Variants in VPS11 observed in about 807,000 individuals in gnomAD.
VPS11 encodes VPS11 core subunit of CORVET and HOPS complexes.
VPS11 carries 51 observed loss-of-function variants against 106.8 expected under a neutral mutation model. The ratio of observed to expected loss-of-function variants is 0.48; its 90% CI spans 0.38 to 0.60. VPS11 has a LOEUF of 0.60. Among genes scored for constraint, VPS11 ranks in the 20% least tolerant of loss-of-function variants. VPS11 has a pLI of 0.00. For synonymous variants in VPS11, 453 were observed against 458.7 expected, an observed-to-expected ratio of 0.99 and a Z score of 0.16; for missense variants, 950 against 1,190.0, an observed-to-expected ratio of 0.80 and a Z score of 2.97.
Position 119,081,150 on chromosome 11 carries a change from T to G in VPS11, c.2497T>G (p.Ser833Ala). 1 of 1,614,056 alleles carries G rather than the reference T, an allele frequency of 6.2e-7. No individual in the cohort carries two copies. The highest frequency in any genetic ancestry group is 8.5e-7 in the Non-Finnish European group (1 of 1,179,894). ...CTGTAACAGTGCCTTGGAGTTGCCC[T>G]CAGTCCACTTCCTGTGTGGCCACTC... is the stretch of plus-strand genomic sequence containing the variant. ...SICNSALELP[S>A]VHFLCGHSFH... Residue 833 changes from serine to alanine, a missense_variant, in exon 15 of 16, where the codon TCA becomes GCA. Ser to Ala is a moderately conservative substitution (Grantham distance 99). Around this residue, in one of 3 missense-constraint regions of VPS11, gnomAD observed 453 missense variants for 514.6 expected, o/e 0.88. Coordinates refer to ENST00000621676, the MANE Select transcript of VPS11 (RefSeq NM_021729.6).
chr11:119,078,523 T>C, intron 11 of VPS11, 42 bp from the exon 12 acceptor site: 1 of 1,597,406 alleles, frequency 6.3e-7, no homozygotes, highest in Non-Finnish European at 8.6e-7. Flanking sequence ...ACCTTGTGAT[T>C]TTCCCCTTTT....
chr11:119,081,310 A>T lies in VPS11; in HGVS notation c.2657A>T (p.His886Leu). The T allele has an allele frequency of 6.2e-7, 1 of 1,614,020 alleles. No homozygotes were observed. Among genetic ancestry groups the T allele is most frequent in the Non-Finnish European group, 8.5e-7 (1 of 1,179,882 alleles). ...QKRDLHDQFQ[H>L]QLKCSNDSFS... ...CGAGATCTCCATGATCAATTCCAGC[A>T]TCAGGTGGGGATGAGTGGGCTAGAT... The change falls in exon 15 of 16, where the codon CAT becomes CTT. Residue 886 changes from histidine (H) to leucine (L), a missense_variant. Physicochemically the swap from His to Leu is moderately conservative, Grantham distance 99 (BLOSUM62 -3). Coordinates refer to ENST00000621676, the MANE Select transcript of VPS11 (RefSeq NM_021729.6).
At position 119,077,483 on chromosome 11, in the gene VPS11, C is replaced by T; in HGVS notation, c.1426-18C>T. 1.2e-6 allele frequency: 2 copies of T among 1,611,152 alleles called. No individual in the cohort carries two copies. The highest frequency in any genetic ancestry group is 2.2e-5 in the East Asian group (1 of 44,838). Reference sequence around the variant, plus strand: ...TCTCCCTCTGTGTAAATGATTTTGTCTCATGTCTCCCTGGCAGAAAAAGAG... The same window carrying T: ...TCTCCCTCTGTGTAAATGATTTTGTTTCATGTCTCCCTGGCAGAAAAAGAG... On this transcript the variant is annotated intron_variant, in intron 8 of 15. Coordinates refer to ENST00000621676, the MANE Select transcript of VPS11 (RefSeq NM_021729.6).
Position 119,077,958 on chromosome 11 carries a change from C to T in VPS11, c.1653C>T (p.Ile551=), listed in dbSNP as rs782817112. Residue 551 remains isoleucine (I), a synonymous_variant, in exon 10 of 16, where the codon ATC becomes ATT. Coordinates refer to ENST00000621676, the MANE Select transcript of VPS11 (RefSeq NM_021729.6). The stretch of plus-strand genomic sequence containing the variant: ...GCAACATGAAGCGCTACGGCAAGAT[C>T]CTCATGCACCACATACCAGAGCAGA... ...AESNMKRYGK[I]LMHHIPEQTT... is the part of the protein sequence containing the mutation. 23 of 1,614,054 alleles carry T rather than the reference C, an allele frequency of 1.4e-5. No individual in the cohort carries two copies. Among genetic ancestry groups the T allele is most frequent in the Non-Finnish European group, 1.9e-5 (23 of 1,179,908 alleles).
rs1193541484 is a variant in VPS11, at chr11:119,070,485, T to C, written c.636+88T>C. On this transcript the variant is annotated intron_variant, in intron 4 of 15. Transcript: ENST00000621676. ...TAGGGTAATGAAGTGACAGGAAAGGTGGGAGTGTTAAAGTTTTAATCATAT... is the reference window on the plus strand; with the variant it reads ...TAGGGTAATGAAGTGACAGGAAAGGCGGGAGTGTTAAAGTTTTAATCATAT... The C allele has an allele frequency of 3.0e-6, 4 of 1,331,928 alleles. No individual in the cohort carries two copies. The East Asian group carries it at 1.0e-4, about 34-fold the overall frequency. The allele number at this position is 1,331,928 out of a possible 1,614,324, so 82.5% of individuals were successfully genotyped here.
In VPS11 at chr11:119,069,232, T is replaced by G. The variant is rs368899269; in HGVS notation, c.224T>G (p.Leu75Arg). Residue 75 changes from leucine to arginine, a missense_variant, in exon 2 of 16, where the codon CTA becomes CGA. Leu to Arg is a moderately radical substitution (Grantham distance 102). This residue lies in a region of VPS11 where 435 missense variants were observed against 630.2 expected (regional missense o/e 0.69). Coordinates refer to ENST00000621676, the MANE Select transcript of VPS11 (RefSeq NM_021729.6). ...EGQIWFLPRS[L>R]QLTGFQAYKL... The stretch of plus-strand genomic sequence containing the variant: ...CAGATCTGGTTCTTGCCACGTTCCC[T>G]ACAGCTTACAGGCTTCCAAGCCTAC... 6.2e-7 allele frequency: 1 copy of G among 1,613,986 alleles called. No homozygotes were observed. Among genetic ancestry groups the G allele is most frequent in the Non-Finnish European group, 8.5e-7 (1 of 1,179,888 alleles).
At chr11:119,068,549 C>T (rs909418168) in intron 1 of VPS11, among the ~76,000 whole-genome samples, 1 of 144,438 alleles carries the variant, frequency 6.9e-6, no homozygotes, top group Admixed American at 7.3e-5. Flanking sequence ...TGAGTTCAAG[C>T]GATTCTCCTG....
At chr11:119,075,741 TAAAAA>T (rs540617210) in intron 7 of VPS11, among the ~76,000 whole-genome samples, 2,315 of 144,698 alleles carry the variant, frequency 0.016, 56 homozygotes, top group African/African-American at 0.053. Context: ...AATCCCATCT[TAAAAA>T]AAAAAATTAG....
intron 7 of VPS11, among the ~76,000 whole-genome samples, chr11:119,074,378 G>A (rs782029535): frequency 1.8e-4 from 28 of 151,912 alleles, no homozygotes; most frequent in Non-Finnish European, 3.1e-4. Flanking sequence ...GAGCCACTGC[G>A]CCCGGTGTTT....
rs1945389284 is a variant in VPS11, at chr11:119,071,468, C to T, written c.637-128C>T. ...GGTAATGGTTAATGAAGAAGGCCAGCAGCCAAGAGAAAGACTTTAGAATGC... is the reference window on the plus strand; with the variant it reads ...GGTAATGGTTAATGAAGAAGGCCAGTAGCCAAGAGAAAGACTTTAGAATGC... On this transcript the variant is annotated intron_variant, in intron 4 of 15. Coordinates refer to ENST00000621676, the MANE Select transcript of VPS11 (RefSeq NM_021729.6). 4 of 1,196,218 alleles carry T rather than the reference C, an allele frequency of 3.3e-6. No individual in the cohort carries two copies. The Admixed American group carries it at 1.1e-4, about 33-fold the overall frequency. 74.1% of individuals were successfully genotyped at this position (1,196,218 alleles called of 1,614,324 possible). A position where few individuals can be genotyped will look rare whatever the true frequency, so the allele number is the denominator to read the frequency against.
intron 4 of VPS11, 79 bp downstream of exon 4, chr11:119,070,476 C>T: frequency 2.2e-6 from 3 of 1,381,174 alleles, no homozygotes; most frequent in Non-Finnish European, 2.9e-6. Context: ...AATGAAGTGA[C>T]AGGAAAGGTG....
intron 14 of VPS11, among the ~76,000 whole-genome samples, chr11:119,079,597 T>C (rs1356738289): frequency 6.6e-6 from 1 of 152,194 alleles, no homozygotes; most frequent in African/African-American, 2.4e-5. Flanking sequence ...TTTTTCTTTT[T>C]TGAGACAGGA....
rs1022083791 is a variant in VPS11, at chr11:119,081,523, A to G, written c.2726A>G (p.Lys909Arg). Reference protein sequence around the residue: ...ADYFGRGVFNKLTLLTDPPTA... With the variant: ...ADYFGRGVFNRLTLLTDPPTA... ...TACTTTGGCAGAGGTGTTTTCAACA[A>G]ATTGACTCTGCTGACCGACCCTCCC... is the stretch of plus-strand genomic sequence containing the variant. Residue 909 changes from lysine (K) to arginine (R), a missense_variant, in exon 16 of 16, where the codon AAA (lysine) becomes AGA (arginine). Lys to Arg is a conservative substitution (Grantham distance 26). This residue lies in a region of VPS11 where 453 missense variants were observed against 514.6 expected (regional missense o/e 0.88). Transcript: ENST00000621676. 6.2e-7 allele frequency: 1 copy of G among 1,613,870 alleles called. No homozygotes were observed. Among genetic ancestry groups the G allele is most frequent in the African/African-American group, 1.3e-5 (1 of 74,918 alleles).
intron 1 of VPS11, among the ~76,000 whole-genome samples, chr11:119,068,555 T>C (rs919030222): frequency 1.2e-4 from 18 of 148,348 alleles, no homozygotes; most frequent in African/African-American, 4.5e-4. Flanking sequence ...CAAGCGATTC[T>C]CCTGCCACAG....
Position 119,073,909 on chromosome 11 carries a change from A to G in VPS11, c.1196A>G (p.Tyr399Cys). The G allele has an allele frequency of 6.2e-7, 1 of 1,613,686 alleles. No individual in the cohort carries two copies. Among genetic ancestry groups the G allele is most frequent in the South Asian group, 1.1e-5 (1 of 91,064 alleles). ...TTCATGCAGTATGGAGACCATCTCT[A>G]CAGCAAGGGCAACCACGATGGGGCT... ...QIFMQYGDHLYSKGNHDGAVQ... is the reference protein window; with the variant it reads ...QIFMQYGDHLCSKGNHDGAVQ... The change falls in exon 7 of 16, where the codon TAC (tyrosine) becomes TGC (cysteine). Residue 399 changes from tyrosine (Y) to cysteine (C), a missense_variant. Around this residue, in one of 3 missense-constraint regions of VPS11, gnomAD observed 435 missense variants for 630.2 expected, o/e 0.69. Transcript: ENST00000621676.
intron 7 of VPS11, among the ~76,000 whole-genome samples, chr11:119,075,976 C>T (rs1945599097): frequency 2.6e-5 from 4 of 151,038 alleles, no homozygotes; most frequent in Admixed American, 2.0e-4. Flanking sequence ...GCCTGTAATC[C>T]AAACACTTTG....
At chr11:119,071,463 G>A in intron 4 of VPS11, 133 bp from the exon 5 acceptor site, 1 of 1,136,900 alleles carries the variant, frequency 8.8e-7, no homozygotes, top group Non-Finnish European at 1.2e-6. Context: ...AATGAAGAAG[G>A]CCAGCAGCCA....
intron 14 of VPS11, among the ~76,000 whole-genome samples, chr11:119,079,537 T>G (rs1045390166): frequency 6.6e-6 from 1 of 152,232 alleles, no homozygotes; most frequent in African/African-American, 2.4e-5. Context: ...TATGCCTGTA[T>G]TCTACCACTT....
chr11:119,077,826 C>T lies in VPS11; in HGVS notation c.1573-52C>T, dbSNP rs574026427. On this transcript the variant is annotated intron_variant, in intron 9 of 15. Transcript: ENST00000621676. ...CATCTCCAGAATGGTGAAAGTGCTT[C>T]CTGGTGGCTGAGGCAGGAGTATACA... 1.6e-4 allele frequency: 255 copies of T among 1,595,600 alleles called. 1 individual carries two copies. The South Asian group carries it at 2.7e-3, about 17-fold the overall frequency.
Sources: allele counts gnomAD v4.1 joint callset (sites outside exome capture counted in the v4.1 genomes callset), GRCh38; gene constraint gnomAD v4.1.1; regional missense constraint gnomAD v4.1.1; transcripts MANE v1.5; gene names NCBI Gene and HGNC (gene_info 2026-07-23, HGNC 2026-07-21).